The following GMEB1 variants were observed in gnomAD, a reference collection of about 807,000 sequenced individuals.
The protein encoded by GMEB1 is glucocorticoid modulatory element binding protein 1.
Under a neutral mutation model 52.4 loss-of-function variants are expected in GMEB1, and 6 were observed. That is an observed-to-expected ratio of 0.11 (90% CI 0.06 to 0.23). GMEB1 has a LOEUF of 0.23. GMEB1 is among the 10% of genes least tolerant of loss of function. GMEB1 has a pLI of 1.00. For synonymous variants in GMEB1, 255 were observed against 244.9 expected, an observed-to-expected ratio of 1.04 and a Z score of -0.38; for missense variants, 486 against 685.6, an observed-to-expected ratio of 0.71 and a Z score of 3.25.
intron 1 of GMEB1, among the ~76,000 whole-genome samples, chr1:28,682,619 CAAAA>C (rs59900537): frequency 5.6e-5 from 3 of 53,634 alleles, no homozygotes; most frequent in South Asian, 6.4e-4. Context: ...GACCCTGTCT[CAAAA>C]AAAAAAAAAA....
chr1:28,675,018 CTT>C (rs1439790151), intron 1 of GMEB1, among the ~76,000 whole-genome samples: 2 of 81,472 alleles, frequency 2.5e-5, no homozygotes, highest in Non-Finnish European at 2.3e-5. Context: ...CGCGCCCGGC[CTT>C]TTTTTTTTTT....
intron 8 of GMEB1, among the ~76,000 whole-genome samples, chr1:28,706,991 T>G (rs1441196957): frequency 6.1e-5 from 8 of 131,798 alleles, no homozygotes; most frequent in South Asian, 2.6e-4. Context: ...TTTTTTTTTT[T>G]TTTTTTTTTT....
At position 28,719,318 on chromosome 1, in the gene GMEB1, A is replaced by C. The variant is rs1205188734; in HGVS notation, c.*4545A>C. 2 of 152,234 alleles carry C rather than the reference A, an allele frequency of 1.3e-5. No individual in the cohort carries two copies. The highest frequency in any genetic ancestry group is 2.4e-5 in the African/African-American group (1 of 41,448). The allele number at this position is 152,234 out of a possible 1,614,324, so 9.4% of individuals were successfully genotyped here. A position where few individuals can be genotyped will look rare whatever the true frequency, so the allele number is the denominator to read the frequency against. The stretch of plus-strand genomic sequence containing the variant: ...AAAAACACCAGTCATTCTGAAGTAA[A>C]AAATGGACAATAAACATGAATATTC... On this transcript the variant is annotated 3_prime_UTR_variant, in exon 10 of 10. Transcript: ENST00000373816.
At position 28,692,203 on chromosome 1, in the gene GMEB1, C is replaced by T. The variant is rs144939052; in HGVS notation, c.336+494C>T. Reference sequence around the variant, plus strand: ...TTTTTTGTAGAGATGGGGGGTTTTGCTATGTTGCCTAGGCTGGAAAACCTT... The same window carrying T: ...TTTTTTGTAGAGATGGGGGGTTTTGTTATGTTGCCTAGGCTGGAAAACCTT... On this transcript the variant is annotated intron_variant, in intron 4 of 9. Transcript: ENST00000373816. 3.1e-3 allele frequency among the ~76,000 whole-genome samples: 468 copies of T among 150,496 alleles called. 2 individuals are homozygous for T. Among genetic ancestry groups the T allele is most frequent in the African/African-American group, 0.01 (424 of 40,962 alleles).
In GMEB1 at chr1:28,714,334, G is replaced by C; in HGVS notation, c.1253G>C (p.Ser418Thr). 1 of 1,614,190 alleles carries C rather than the reference G, an allele frequency of 6.2e-7. No homozygotes were observed. The highest frequency in any genetic ancestry group is 1.7e-5 in the Admixed American group (1 of 60,018). ...SMGNIPVATL[S>T]QGSSPVTVHT... ...GGCAATATTCCAGTGGCCACCCTCA[G>C]CCAGGGCTCCAGTCCTGTGACTGTC... Residue 418 changes from serine (S) to threonine (T), a missense_variant, in exon 10 of 10, where the codon AGC (serine) becomes ACC (threonine). Ser to Thr is a moderately conservative substitution (Grantham distance 58). Around this residue, in one of 5 missense-constraint regions of GMEB1, gnomAD observed 153 missense variants for 200.8 expected, o/e 0.76. Transcript: ENST00000373816.
intron 1 of GMEB1, among the ~76,000 whole-genome samples, chr1:28,669,158 TG>T (rs565213605): frequency 6.7e-6 from 1 of 148,504 alleles, no homozygotes; most frequent in Non-Finnish European, 1.5e-5. Flanking sequence ...AGTCCACCAC[TG>T]GGGGGGCCCC....
At chr1:28,703,359 G>A (rs1338688681) in intron 7 of GMEB1, among the ~76,000 whole-genome samples, 1 of 152,002 alleles carries the variant, frequency 6.6e-6, no homozygotes, top group Non-Finnish European at 1.5e-5. Flanking sequence ...GTTAGATGCT[G>A]GGTGCGTAGA....
chr1:28,702,217 C>T (rs574350473), intron 6 of GMEB1, among the ~76,000 whole-genome samples: 16 of 152,202 alleles, frequency 1.1e-4, no homozygotes, highest in Admixed American at 2.0e-4. Flanking sequence ...ACTTTCTATT[C>T]AAAGTAAGAA....
At chr1:28,695,059 G>A (rs1670137732) in intron 5 of GMEB1, among the ~76,000 whole-genome samples, 1 of 150,806 alleles carries the variant, frequency 6.6e-6, no homozygotes, top group Admixed American at 6.7e-5. Flanking sequence ...CCACCTCCTG[G>A]GTTCAAGTGA....
intron 8 of GMEB1, among the ~76,000 whole-genome samples, chr1:28,704,995 A>G (rs1325338376): frequency 1.3e-5 from 2 of 151,370 alleles, no homozygotes; most frequent in East Asian, 3.9e-4. Flanking sequence ...GCATAGGAGA[A>G]TCACTTGAGC....
chr1:28,693,568 G>A (rs1189425654), intron 5 of GMEB1, among the ~76,000 whole-genome samples: 3 of 151,794 alleles, frequency 2.0e-5, no homozygotes, highest in African/African-American at 7.3e-5. Flanking sequence ...CCAGGCTGGA[G>A]TGCAGTGGCG....
At chr1:28,710,838 G>A (rs1489151812) in intron 9 of GMEB1, among the ~76,000 whole-genome samples, 196 bp downstream of exon 9, 1 of 151,666 alleles carries the variant, frequency 6.6e-6, no homozygotes, top group Non-Finnish European at 1.5e-5. Context: ...AAAAAAGGAA[G>A]CTGCCATCAT....
chr1:28,671,713 C>T (rs911059121), intron 1 of GMEB1, among the ~76,000 whole-genome samples: 6 of 151,150 alleles, frequency 4.0e-5, no homozygotes, highest in East Asian at 2.0e-4. Context: ...CACTGCTCTC[C>T]GGCCTGGGTG....
intron 9 of GMEB1, among the ~76,000 whole-genome samples, chr1:28,712,044 C>A (rs1051057643): frequency 6.6e-6 from 1 of 152,068 alleles, no homozygotes; most frequent in Non-Finnish European, 1.5e-5. Context: ...TGCAAATGAC[C>A]TGTGCTTCTG....
In GMEB1 at chr1:28,678,370, G is replaced by A. The variant is rs1669247347; in HGVS notation, c.-30-5213G>A. The stretch of plus-strand genomic sequence containing the variant: ...TCTGTCGCCCAGGCTGGAGTGCAGT[G>A]GCGCAATCTTGGCTCACTGCAAGCT... On this transcript the variant is annotated intron_variant, in intron 1 of 9. Coordinates refer to ENST00000373816, the MANE Select transcript of GMEB1 (RefSeq NM_001319674.2). Among the ~76,000 whole-genome samples the A allele has an allele frequency of 2.0e-5, 3 of 151,998 alleles. No individual in the cohort carries two copies. The South Asian group carries it at 6.2e-4, about 32-fold the overall frequency.
rs1443423447 is a variant in GMEB1 at position 28,715,870 on chromosome 1, T to C, written c.*1097T>C. On this transcript the variant is annotated 3_prime_UTR_variant, in exon 10 of 10. Coordinates refer to ENST00000373816, the MANE Select transcript of GMEB1 (RefSeq NM_001319674.2). ...ACTTTGGGAGGCCGAGGTGGGTGAA[T>C]CACCTGAGGTCAGGAGTTTGAGGCC... 1.3e-5 allele frequency: 2 copies of C among 150,938 alleles called. No homozygotes were observed. The highest frequency in any genetic ancestry group is 4.9e-5 in the African/African-American group (2 of 40,952). The allele number at this position is 150,938 out of a possible 1,614,324, so 9.3% of individuals were successfully genotyped here. A position where few individuals can be genotyped will look rare whatever the true frequency, so the allele number is the denominator to read the frequency against.
At chr1:28,686,897 G>A (rs985372947) in intron 2 of GMEB1, among the ~76,000 whole-genome samples, 1 of 152,096 alleles carries the variant, frequency 6.6e-6, no homozygotes, top group African/African-American at 2.4e-5. Context: ...CTGTGCTCAA[G>A]GGGAGACAGA....
At chr1:28,677,398 C>G (rs191363227) in intron 1 of GMEB1, among the ~76,000 whole-genome samples, 560 of 152,190 alleles carry the variant, frequency 3.7e-3, no homozygotes, top group Middle Eastern at 6.8e-3. Flanking sequence ...AGGGTTTCCC[C>G]GTGTTAGCCA....
At chr1:28,700,102 G>A (rs1378366056) in intron 6 of GMEB1, among the ~76,000 whole-genome samples, 1 of 151,246 alleles carries the variant, frequency 6.6e-6, no homozygotes, top group African/African-American at 2.4e-5. Flanking sequence ...GGGTGCAGCG[G>A]CCCACGCCTA....
Sources: gnomAD v4.1 joint callset for allele counts (sites outside exome capture counted in the v4.1 genomes callset) on GRCh38, gnomAD v4.1.1 for gene constraint, gnomAD v4.1.1 regional missense constraint, MANE v1.5 for transcripts, NCBI Gene and HGNC (gene_info 2026-07-23, HGNC 2026-07-21) for gene names.